The following GATAD2A variants were observed in gnomAD, a reference collection of about 807,000 sequenced individuals.
The protein encoded by GATAD2A is GATA zinc finger domain containing 2A, also known as transcriptional repressor p66-alpha.
In GATAD2A, 12 loss-of-function variants were observed where a neutral mutation model predicts 68.5. The ratio of observed to expected loss-of-function variants is 0.18; its 90% confidence interval spans 0.11 to 0.28. GATAD2A has a LOEUF of 0.28. Ranked by LOEUF, GATAD2A falls within the 10% of genes least tolerant of loss-of-function variation. The pLI is 1.00. For synonymous variants in GATAD2A, 410 were observed against 375.3 expected (o/e 1.09, Z -1.07); for missense variants, 755 against 868.5 (o/e 0.87, Z 1.64).
chr19:19,483,525 AGAGGGGCTGC>A (rs1449841912), intron 2 of GATAD2A, among the ~76,000 whole-genome samples: 1 of 152,122 alleles, frequency 6.6e-6, no homozygotes, highest in Non-Finnish European at 1.5e-5. Flanking sequence ...AGGGAACCGC[AGAGGGGCTGC>A]GGCTGGCGAG....
chr19:19,484,206 A>G (rs542743420), intron 2 of GATAD2A, among the ~76,000 whole-genome samples: 24 of 152,310 alleles, frequency 1.6e-4, no homozygotes, highest in African/African-American at 5.5e-4. Context: ...GCAGTGAGCC[A>G]TGATCGTGCC....
intron 2 of GATAD2A, among the ~76,000 whole-genome samples, chr19:19,470,079 T>C (rs972986601): frequency 1.3e-5 from 2 of 151,816 alleles, no homozygotes; most frequent in Non-Finnish European, 2.9e-5. Flanking sequence ...CTGGAGTAAC[T>C]GTATTAATAA....
At chr19:19,399,698 T>C (rs1385157139) in intron 1 of GATAD2A, among the ~76,000 whole-genome samples, 1 of 152,094 alleles carries the variant, frequency 6.6e-6, no homozygotes, top group East Asian at 1.9e-4. Context: ...GAGAACAAAC[T>C]AGAAGGGCAC....
At chr19:19,493,839 A>G (rs1236319322) in intron 4 of GATAD2A, among the ~76,000 whole-genome samples, 1 of 150,572 alleles carries the variant, frequency 6.6e-6, no homozygotes, top group Non-Finnish European at 1.5e-5. Flanking sequence ...TCGAAAACTC[A>G]TGGAGGGACA....
At chr19:19,390,236 A>G (rs1216790566) in intron 1 of GATAD2A, among the ~76,000 whole-genome samples, 1 of 152,074 alleles carries the variant, frequency 6.6e-6, no homozygotes, top group Non-Finnish European at 1.5e-5. Flanking sequence ...GAGGGAACAC[A>G]TTGCTGTGAA....
At chr19:19,468,769 T>C (rs918960379) in intron 2 of GATAD2A, among the ~76,000 whole-genome samples, 1 of 152,178 alleles carries the variant, frequency 6.6e-6, no homozygotes, top group Non-Finnish European at 1.5e-5. Context: ...ACTGAAGGAA[T>C]CCATTGCTGG....
intron 1 of GATAD2A, among the ~76,000 whole-genome samples, chr19:19,417,630 A>G (rs2051817647): frequency 6.6e-6 from 1 of 152,216 alleles, no homozygotes; most frequent in South Asian, 2.1e-4. Context: ...GTCCTGAAAC[A>G]GGAGACTGTT....
chr19:19,465,104 C>T (rs1479202078), intron 1 of GATAD2A: 7 of 584,928 alleles, frequency 1.2e-5, no homozygotes, highest in African/African-American at 1.9e-5. Context: ...TAGTTTGGCT[C>T]CACCAATGTT....
At chr19:19,389,843 A>G (rs929757228) in intron 1 of GATAD2A, among the ~76,000 whole-genome samples, 3 of 152,102 alleles carry the variant, frequency 2.0e-5, no homozygotes, top group Non-Finnish European at 4.4e-5. Flanking sequence ...GCTCACTGCA[A>G]CCTCTGCCCT....
intron 1 of GATAD2A, among the ~76,000 whole-genome samples, chr19:19,451,776 C>T (rs2056411453): frequency 6.6e-6 from 1 of 152,204 alleles, no homozygotes; most frequent in Non-Finnish European, 1.5e-5. Flanking sequence ...AGATCAGTAG[C>T]TGTGTGGACG....
At chr19:19,484,869 AG>A (rs1431330420) in intron 2 of GATAD2A, among the ~76,000 whole-genome samples, 1 of 152,158 alleles carries the variant, frequency 6.6e-6, no homozygotes, top group African/African-American at 2.4e-5. Flanking sequence ...TCTTGAAGGC[AG>A]GTAGAGAGAC....
chr19:19,505,129 A>G (rs1471091359), intron 11 of GATAD2A, among the ~76,000 whole-genome samples: 7 of 152,162 alleles, frequency 4.6e-5, no homozygotes, highest in Non-Finnish European at 1.0e-4. Flanking sequence ...AGAGCCTGGC[A>G]ATGTCAAGGC....
At chr19:19,423,422 G>A (rs557046771) in intron 1 of GATAD2A, among the ~76,000 whole-genome samples, 1 of 152,248 alleles carries the variant, frequency 6.6e-6, no homozygotes, top group Non-Finnish European at 1.5e-5. Flanking sequence ...TGATTTTTGT[G>A]ATGGCTGTGG....
At position 19,492,433 on chromosome 19, in the gene GATAD2A, C is replaced by G; in HGVS notation, c.397C>G (p.Leu133Val). The change falls in exon 3 of 12, where the codon CTC (leucine) becomes GTC (valine). Residue 133 changes from leucine (L) to valine (V), a missense_variant. Physicochemically the swap from Leu to Val is conservative, Grantham distance 32. Coordinates refer to ENST00000683918, the MANE Select transcript of GATAD2A (RefSeq NM_001384528.1). ...VALKETSTEA[L>V]MKSSPEERER... ...CTTGAAGGAGACTAGCACCGAGGCC[C>G]TCATGGTGAGCCACGTGTTGGCGCT... 1 of 1,613,970 alleles carries G rather than the reference C, an allele frequency of 6.2e-7. No homozygotes were observed. The highest frequency in any genetic ancestry group is 8.5e-7 in the Non-Finnish European group (1 of 1,179,878).
At chr19:19,459,366 AC>A (rs1796580615) in intron 1 of GATAD2A, among the ~76,000 whole-genome samples, 1 of 145,452 alleles carries the variant, frequency 6.9e-6, no homozygotes, top group Non-Finnish European at 1.5e-5. Flanking sequence ...CCCTATATAC[AC>A]CTTTTTTTTT....
intron 1 of GATAD2A, chr19:19,435,106 T>C: frequency 1.9e-6 from 1 of 533,586 alleles, no homozygotes; most frequent in South Asian, 1.4e-5. Context: ...ATCAGATCCC[T>C]TATCTGTAAA....
At chr19:19,460,887 C>A (rs1351341274) in intron 1 of GATAD2A, among the ~76,000 whole-genome samples, 2 of 152,208 alleles carry the variant, frequency 1.3e-5, no homozygotes, top group African/African-American at 4.8e-5. Context: ...TGTCTCCGCT[C>A]AGGCCCTGTC....
intron 1 of GATAD2A, among the ~76,000 whole-genome samples, chr19:19,445,783 T>C (rs2055639662): frequency 6.6e-6 from 1 of 152,280 alleles, no homozygotes; most frequent in African/African-American, 2.4e-5. Context: ...TTCCATTGTC[T>C]AGATGGACCA....
At chr19:19,480,227 T>G (rs1360084752) in intron 2 of GATAD2A, among the ~76,000 whole-genome samples, 1 of 152,196 alleles carries the variant, frequency 6.6e-6, no homozygotes, top group African/African-American at 2.4e-5. Flanking sequence ...GAATGACATT[T>G]TACTCACGTA....
Sources: allele counts gnomAD v4.1 joint callset (sites outside exome capture counted in the v4.1 genomes callset), GRCh38; gene constraint gnomAD v4.1.1; transcripts MANE v1.5; gene names NCBI Gene and HGNC (gene_info 2026-07-23, HGNC 2026-07-21).